The following SRR variants were observed in gnomAD, a reference collection of about 807,000 sequenced individuals.
The protein encoded by SRR is D-serine ammonia-lyase.
SRR carries 19 observed loss-of-function variants against 32.7 expected under a neutral mutation model. The observed-to-expected ratio is 0.58, with a 90% CI of 0.40 to 0.85. SRR has a LOEUF of 0.85. Ranked by LOEUF, SRR falls within the 40% of genes least tolerant of loss-of-function variation. The pLI is 0.00. For missense variants in SRR, 373 were observed against 404.7 expected (o/e 0.92, Z 0.67); for synonymous variants, 142 against 140.9 (o/e 1.01, Z -0.06).
intron 4 of SRR, among the ~76,000 whole-genome samples, chr17:2,319,641 T>C (rs2075507620): frequency 6.6e-6 from 1 of 152,120 alleles, no homozygotes; most frequent in Non-Finnish European, 1.5e-5. Flanking sequence ...GCTTTCAACA[T>C]ATTTCCATAA....
At chr17:2,317,346 C>T (rs529163647) in intron 2 of SRR, among the ~76,000 whole-genome samples, 2 of 151,210 alleles carry the variant, frequency 1.3e-5, no homozygotes, top group Admixed American at 6.6e-5. Flanking sequence ...CCCGTCGCTA[C>T]TAAAAATACA....
chr17:2,318,075 T>G, intron 3 of SRR, 79 bp downstream of exon 3: 2 of 1,415,054 alleles, frequency 1.4e-6, no homozygotes, highest in Non-Finnish European at 1.9e-6. Flanking sequence ...AGAGTGATGA[T>G]AGCTGTGGGA....
At chr17:2,319,428 A>G (rs998504122) in intron 4 of SRR, among the ~76,000 whole-genome samples, 4 of 152,142 alleles carry the variant, frequency 2.6e-5, no homozygotes, top group Non-Finnish European at 4.4e-5. Context: ...AGCTAGGACT[A>G]CAGGTGCATG....
chr17:2,314,135 CTG>C (rs1440449679), intron 1 of SRR, among the ~76,000 whole-genome samples: 1 of 152,178 alleles, frequency 6.6e-6, no homozygotes. Context: ...TTTGCTTTAA[CTG>C]TTACATAATG....
chr17:2,323,565 T>G (rs2075552718), intron 7 of SRR, 90 bp from the exon 8 acceptor site: 1 of 1,395,102 alleles, frequency 7.2e-7, no homozygotes, highest in African/African-American at 1.4e-5. Flanking sequence ...ATAAGAAAAT[T>G]CAAACTGGAC....
chr17:2,324,690 T>A lies in SRR; in HGVS notation c.*817T>A. On this transcript the variant is annotated 3_prime_UTR_variant, in exon 8 of 8. Coordinates refer to ENST00000344595, the MANE Select transcript of SRR (RefSeq NM_021947.3). ...CCCATCCTCCTCCTTCATACCCACCTCTGTTGAAGAACATGTAACGTACTA... is the reference window on the plus strand; with the variant it reads ...CCCATCCTCCTCCTTCATACCCACCACTGTTGAAGAACATGTAACGTACTA... 1 of 1,614,136 alleles carries A rather than the reference T, an allele frequency of 6.2e-7. No individual in the cohort carries two copies. Among genetic ancestry groups the A allele is most frequent in the Non-Finnish European group, 8.5e-7 (1 of 1,180,036 alleles).
At chr17:2,320,251 C>CTTTTTTTTTTT (rs35025479) in intron 4 of SRR, among the ~76,000 whole-genome samples, 1 of 76,740 alleles carries the variant, frequency 1.3e-5, no homozygotes, top group Non-Finnish European at 2.3e-5. Flanking sequence ...CATCTCTCAT[C>CTTTTTTTTTTT]TTTTTTTTTT....
At chr17:2,306,504 G>A (rs2075391418) in intron 1 of SRR, among the ~76,000 whole-genome samples, 1 of 152,048 alleles carries the variant, frequency 6.6e-6, no homozygotes, top group Admixed American at 6.6e-5. Context: ...ATCACTTGAG[G>A]TCAGGAGTTC....
upstream of SRR, chr17:2,303,600 GGCCCGGCCCAGGA>G (rs2075340959): frequency 7.1e-7 from 1 of 1,408,472 alleles, no homozygotes; most frequent in Admixed American, 3.2e-5. Flanking sequence ...GGGGCGGGCA[GGCCCGGCCCAGGA>G]GCTGGGCGGC....
intron 4 of SRR, 89 bp downstream of exon 4, chr17:2,319,018 C>A: frequency 1.1e-6 from 1 of 871,330 alleles, no homozygotes; most frequent in Non-Finnish European, 1.9e-6. Context: ...TCTCAGCCTC[C>A]TTTGTGGTTT....
chr17:2,321,810 C>T (rs1280189999), intron 6 of SRR, among the ~76,000 whole-genome samples, 194 bp downstream of exon 6: 2 of 152,194 alleles, frequency 1.3e-5, no homozygotes, highest in Non-Finnish European at 2.9e-5. Flanking sequence ...GACAGATTCT[C>T]GCTGTTGCCC....
At chr17:2,320,616 C>A (rs1019284813) in intron 4 of SRR, among the ~76,000 whole-genome samples, 1 of 151,650 alleles carries the variant, frequency 6.6e-6, no homozygotes, top group Non-Finnish European at 1.5e-5. Flanking sequence ...GGCTGGAGTG[C>A]GGTAGTTTCT....
At chr17:2,309,803 T>A (rs2075420698) in intron 1 of SRR, 1 of 152,232 alleles carries the variant, frequency 6.6e-6, no homozygotes, top group Non-Finnish European at 1.5e-5. Context: ...CCACTGGTCC[T>A]GGGCCAAGAT....
intron 3 of SRR, 114 bp downstream of exon 3, chr17:2,318,110 T>C (rs2151434435): frequency 8.1e-7 from 1 of 1,229,742 alleles, no homozygotes; most frequent in Non-Finnish European, 1.1e-6. Context: ...GAAATCTCTA[T>C]CTGATTGCAA....
chr17:2,309,006 T>A (rs991251418), intron 1 of SRR, among the ~76,000 whole-genome samples: 1 of 151,866 alleles, frequency 6.6e-6, no homozygotes, highest in South Asian at 2.1e-4. Flanking sequence ...TAATCCCAGC[T>A]ACTTGGGAGG....
At chr17:2,323,430 C>A in intron 7 of SRR, 85 bp downstream of exon 7, 1 of 1,482,598 alleles carries the variant, frequency 6.7e-7, no homozygotes, top group Non-Finnish European at 9.3e-7. Flanking sequence ...AGCAAGTGAC[C>A]CACGGGAACC....
At chr17:2,307,477 G>A in intron 1 of SRR, 1 of 1,439,274 alleles carries the variant, frequency 6.9e-7, no homozygotes, top group Non-Finnish European at 9.6e-7. Context: ...ATATCGTGCA[G>A]TGGGGATGGC....
Position 2,315,627 on chromosome 17 carries a change from A to G in SRR, c.67A>G (p.Ile23Val), listed in dbSNP as rs1235216176. Residue 23 changes from isoleucine to valine, a missense_variant, in exon 2 of 8, where the codon ATC becomes GTC. Ile to Val is a conservative substitution (Grantham distance 29). Transcript: ENST00000344595. The stretch of plus-strand genomic sequence containing the variant: ...AGCTCATATCAACATTCGAGATTCT[A>G]TCCACCTCACACCAGTGCTAACAAG... ...EKAHINIRDS[I>V]HLTPVLTSSI... is the part of the protein sequence containing the mutation. 1 of 1,614,152 alleles carries G rather than the reference A, an allele frequency of 6.2e-7. No individual in the cohort carries two copies. The highest frequency in any genetic ancestry group is 8.5e-7 in the Non-Finnish European group (1 of 1,180,014).
At chr17:2,322,987 AC>A in intron 6 of SRR, 148 bp from the exon 7 acceptor site, 1 of 711,972 alleles carries the variant, frequency 1.4e-6, no homozygotes, top group Non-Finnish European at 2.3e-6. Context: ...CTGGTCTTGA[AC>A]TCCTGACCTC....
Sources: allele counts gnomAD v4.1 joint callset (sites outside exome capture counted in the v4.1 genomes callset), GRCh38; gene constraint gnomAD v4.1.1; transcripts MANE v1.5; gene names NCBI Gene and HGNC (gene_info 2026-07-23, HGNC 2026-07-21).